The following NDUFA10 variants were observed in gnomAD, a reference collection of about 807,000 sequenced individuals.
The protein encoded by NDUFA10 is NADH dehydrogenase [ubiquinone] 1 alpha subcomplex subunit 10, mitochondrial.
NDUFA10 carries 40 observed loss-of-function variants against 47.8 expected under a neutral mutation model. The observed-to-expected ratio is 0.84, with a 90% CI of 0.65 to 1.09. The LOEUF (loss-of-function observed/expected upper bound fraction) is 1.09, where lower values mean the gene tolerates loss of function less well. NDUFA10 is among the 50% of genes least tolerant of loss of function. The probability of loss-of-function intolerance (pLI) is 0.00; values close to 1 mark genes in which losing one functional copy is unlikely to be tolerated. For synonymous variants in NDUFA10, 183 were observed against 172.2 expected, an observed-to-expected ratio of 1.06 and a Z score of -0.49; for missense variants, 413 against 451.1, an observed-to-expected ratio of 0.92 and a Z score of 0.76.
chr2:239,897,522 G>A (rs187047955), intron 4 of NDUFA10, among the ~76,000 whole-genome samples: 2 of 152,274 alleles, frequency 1.3e-5, no homozygotes, highest in Non-Finnish European at 2.9e-5. Context: ...AAAACCAAAT[G>A]GGGAAAAGCT....
At chr2:239,936,148 G>C (rs1035713590) in intron 4 of NDUFA10, among the ~76,000 whole-genome samples, 1 of 152,218 alleles carries the variant, frequency 6.6e-6, no homozygotes, top group Non-Finnish European at 1.5e-5. Context: ...TGCAGGAAGA[G>C]AGTGAACAGT....
intron 4 of NDUFA10, among the ~76,000 whole-genome samples, chr2:239,902,469 G>T (rs1237176678): frequency 6.6e-6 from 1 of 152,152 alleles, no homozygotes; most frequent in Non-Finnish European, 1.5e-5. Flanking sequence ...AATACTATTT[G>T]CACACTGAAT....
intron 4 of NDUFA10, among the ~76,000 whole-genome samples, chr2:239,936,278 C>T (rs1342130417): frequency 6.6e-6 from 1 of 152,172 alleles, no homozygotes; most frequent in Non-Finnish European, 1.5e-5. Context: ...CTCAGGATGG[C>T]AGGGCAGCAG....
rs144656855 is a variant in NDUFA10, at chr2:239,931,025, G to A, written c.295-35711C>T. ...GCAGTAGGGCCCTGTGGAGAATGGC[G>A]TTTAGCTTTTTAGGGCCGTGGGAGC... On this transcript the variant is annotated intron_variant, in intron 4 of 5. Coordinates refer to the NDUFA10 transcript ENST00000419408. Among the ~76,000 whole-genome samples, 860 of 152,266 alleles carry A rather than the reference G, an allele frequency of 5.6e-3. 5 individuals are homozygous for A. The highest frequency in any genetic ancestry group is 0.011 in the Non-Finnish European group (716 of 68,016).
chr2:239,995,003 G>A (rs529033233), intron 8 of NDUFA10, among the ~76,000 whole-genome samples: 53 of 152,298 alleles, frequency 3.5e-4, no homozygotes, highest in African/African-American at 1.2e-3. Flanking sequence ...GGCCGGGTGC[G>A]GCGACTCATG....
intron 9 of NDUFA10, among the ~76,000 whole-genome samples, chr2:239,962,234 CACACA>C (rs1694883468): frequency 6.6e-6 from 1 of 152,114 alleles, no homozygotes; most frequent in Admixed American, 6.5e-5. Flanking sequence ...CACACACACA[CACACA>C]CCCCTTCCAA....
intron 9 of NDUFA10, among the ~76,000 whole-genome samples, chr2:239,961,506 T>C (rs972634959): frequency 1.3e-5 from 2 of 152,106 alleles, no homozygotes; most frequent in African/African-American, 4.8e-5. Flanking sequence ...GGGTGGCACT[T>C]AGGGGAGGCC....
chr2:239,932,182 G>T (rs1694186732), intron 4 of NDUFA10, among the ~76,000 whole-genome samples: 1 of 152,046 alleles, frequency 6.6e-6, no homozygotes, highest in Admixed American at 6.5e-5. Flanking sequence ...CATGTTTATT[G>T]AATAGACATC....
intron 5 of NDUFA10, 107 bp from the exon 6 acceptor site, chr2:240,011,803 A>G: frequency 1.0e-6 from 1 of 977,636 alleles, no homozygotes; most frequent in Non-Finnish European, 1.6e-6. Flanking sequence ...TTTTCTTACA[A>G]CTCACACCGG....
chr2:239,959,086 A>G lies in NDUFA10; in HGVS notation c.*2032T>C. ...AGTGTTTATTCATCTTTCTCTGCTG[A>G]ACATGCATGTCATTGAAAACACCAG... On this transcript the variant is annotated 3_prime_UTR_variant, in exon 10 of 10. Transcript: ENST00000252711. 1.0e-6 allele frequency: 1 copy of G among 985,492 alleles called. No individual in the cohort carries two copies. Among genetic ancestry groups the G allele is most frequent in the Non-Finnish European group, 1.2e-6 (1 of 829,954 alleles). The allele number at this position is 985,492 out of a possible 1,614,324, so 61.0% of individuals were successfully genotyped here. A position where few individuals can be genotyped will look rare whatever the true frequency, so the allele number is the denominator to read the frequency against.
At chr2:240,003,411 G>A (rs145013896) in intron 8 of NDUFA10, among the ~76,000 whole-genome samples, 1 of 152,298 alleles carries the variant, frequency 6.6e-6, no homozygotes, top group Non-Finnish European at 1.5e-5. Flanking sequence ...GGCCATCCTT[G>A]TGCCTCCAGG....
intron 4 of NDUFA10, among the ~76,000 whole-genome samples, chr2:239,900,357 T>C: frequency 1.0e-5 from 1 of 98,834 alleles, no homozygotes; most frequent in Middle Eastern, 5.2e-3. Flanking sequence ...TATATATATA[T>C]ATTTATCCTA....
intron 4 of NDUFA10, among the ~76,000 whole-genome samples, chr2:239,941,414 G>C (rs373760906): frequency 6.6e-6 from 1 of 152,238 alleles, no homozygotes; most frequent in East Asian, 1.9e-4. Context: ...GGTGTCAGAG[G>C]TTCCTTCCTC....
At chr2:239,938,122 C>A (rs1268897323) in intron 4 of NDUFA10, among the ~76,000 whole-genome samples, 1 of 152,182 alleles carries the variant, frequency 6.6e-6, no homozygotes, top group Non-Finnish European at 1.5e-5. Flanking sequence ...ACCCCAGCAC[C>A]CCACTCCCCA....
At chr2:239,909,198 G>T (rs1312999884) in intron 4 of NDUFA10, among the ~76,000 whole-genome samples, 1 of 147,180 alleles carries the variant, frequency 6.8e-6, no homozygotes, top group Non-Finnish European at 1.5e-5. Context: ...ACCAAAGTGG[G>T]GTCTTAATAT....
Position 240,022,311 on chromosome 2 carries a change from T to C in NDUFA10, c.105A>G (p.Lys35=), listed in dbSNP as rs2083411. ...GGAAATGCCACATTCCATAGCGCAG[T>C]TTGCACTGCACACTGCTATGAATTC... is the stretch of plus-strand genomic sequence containing the variant. The part of the protein sequence containing the change: ...VRGIHSSVQC[K]LRYGMWHFLL... Residue 35 remains lysine (K), a synonymous_variant, in exon 2 of 10, where the codon AAA becomes AAG. Transcript: ENST00000252711. The C allele has an allele frequency of 0.66, 1,068,948 of 1,613,746 alleles. 356,051 individuals carry two copies. Among genetic ancestry groups the C allele is most frequent in the African/African-American group, 0.79 (59,418 of 74,928 alleles).
intron 9 of NDUFA10, among the ~76,000 whole-genome samples, chr2:239,981,382 G>A (rs925137728): frequency 7.9e-5 from 12 of 151,130 alleles, no homozygotes; most frequent in Admixed American, 3.3e-4. Flanking sequence ...CCAGAGCAGC[G>A]CTCCAGAGAC....
In NDUFA10 at chr2:240,014,726, A is replaced by T; in HGVS notation, c.669+13T>A. 6.2e-7 allele frequency: 1 copy of T among 1,614,192 alleles called. No homozygotes were observed. The highest frequency in any genetic ancestry group is 8.5e-7 in the Non-Finnish European group (1 of 1,180,020). On this transcript the variant is annotated intron_variant, in intron 5 of 9. Transcript: ENST00000252711. The stretch of plus-strand genomic sequence containing the variant: ...AATAGAGATGCTTGGCCTTTGATTG[A>T]AAACTGCATTACATCTCCTTTCTTC...
At chr2:239,901,100 T>C (rs1291047130) in intron 4 of NDUFA10, among the ~76,000 whole-genome samples, 3 of 152,230 alleles carry the variant, frequency 2.0e-5, no homozygotes, top group Non-Finnish European at 4.4e-5. Flanking sequence ...GCTGACTCTC[T>C]GGTTAGGGGC....
Sources: allele counts gnomAD v4.1 joint callset (sites outside exome capture counted in the v4.1 genomes callset), GRCh38; gene constraint gnomAD v4.1.1; transcripts MANE v1.5; gene names NCBI Gene and HGNC (gene_info 2026-07-23, HGNC 2026-07-21).